CABLES1: variants seen among roughly 807,000 people sequenced by gnomAD.
The protein encoded by CABLES1 is CDK5 and ABL1 enzyme substrate 1.
A neutral mutation model predicts 57.8 loss-of-function variants in CABLES1; 36 were observed. The ratio of observed to expected loss-of-function variants is 0.62; its 90% CI spans 0.48 to 0.82. CABLES1 has a LOEUF of 0.82. Ranked by LOEUF, CABLES1 falls within the 40% of genes least tolerant of loss-of-function variation. The probability of loss-of-function intolerance (pLI) is 0.00; values close to 1 mark genes in which losing one functional copy is unlikely to be tolerated. For missense variants in CABLES1, 767 were observed against 836.6 expected, an observed-to-expected ratio of 0.92 and a Z score of 1.03; for synonymous variants, 374 against 363.0, an observed-to-expected ratio of 1.03 and a Z score of -0.35.
intron 4 of CABLES1, among the ~76,000 whole-genome samples, chr18:23,223,580 A>T (rs934784857): frequency 8.2e-6 from 1 of 122,386 alleles, no homozygotes; most frequent in Admixed American, 1.2e-4. Flanking sequence ...TCCGTCTCAG[A>T]AAAAAAAAAA....
intron 7 of CABLES1, among the ~76,000 whole-genome samples, chr18:23,240,118 A>G (rs1316418303): frequency 2.0e-5 from 3 of 152,122 alleles, no homozygotes; most frequent in African/African-American, 7.2e-5. Flanking sequence ...ACCCTGTCTC[A>G]ACAAAACAAA....
In CABLES1 at chr18:23,184,516, A is replaced by G. The variant is rs185097499; in HGVS notation, c.846-4322A>G. On this transcript the variant is annotated intron_variant, in intron 1 of 9. Coordinates refer to ENST00000256925, the MANE Select transcript of CABLES1 (RefSeq NM_001100619.3). ...CCAGTAGTTCGAGACCTGCCTGGCC[A>G]ATGTGGCGAAACCCTGTCTCTACTA... Among the ~76,000 whole-genome samples the G allele has an allele frequency of 3.1e-3, 468 of 152,284 alleles. 2 individuals are homozygous for G. Among genetic ancestry groups the G allele is most frequent in the African/African-American group, 0.011 (461 of 41,554 alleles).
intron 1 of CABLES1, among the ~76,000 whole-genome samples, chr18:23,158,176 G>A (rs971607410): frequency 2.0e-5 from 3 of 151,150 alleles, no homozygotes; most frequent in Admixed American, 6.6e-5. Context: ...GTGGTGTGCT[G>A]CTGTAGTCCC....
chr18:23,150,207 G>GTTTTTTTTTTTTTTT (rs10638130), intron 1 of CABLES1, among the ~76,000 whole-genome samples: 15 of 106,674 alleles, frequency 1.4e-4, no homozygotes, highest in East Asian at 2.7e-4. Flanking sequence ...GTTGGTGTTT[G>GTTTTTTTTTTTTTTT]TTTTTTTTTT....
intron 7 of CABLES1, among the ~76,000 whole-genome samples, chr18:23,238,413 G>T (rs1227447599): frequency 6.6e-6 from 1 of 152,226 alleles, no homozygotes; most frequent in South Asian, 2.1e-4. Flanking sequence ...AGTCATTGGA[G>T]AATTTATTCA....
Position 23,136,320 on chromosome 18 carries a change from G to T in CABLES1, c.558G>T (p.Ala186=), listed in dbSNP as rs1598791708. Reference sequence around the variant, plus strand: ...AGCAGTGGCAGCCGCCCCGGCCGGCGCCTCTCGCCGCCTGTGCCCAACTGC... The same window carrying T: ...AGCAGTGGCAGCCGCCCCGGCCGGCTCCTCTCGCCGCCTGTGCCCAACTGC... ...SGEQWQPPRP[A]PLAACAQLQL... is the part of the protein sequence containing the mutation. The change falls in exon 1 of 10, where the codon GCG becomes GCT. Residue 186 remains alanine, a synonymous_variant. Coordinates refer to ENST00000256925, the MANE Select transcript of CABLES1 (RefSeq NM_001100619.3). 13 of 1,404,642 alleles carry T rather than the reference G, an allele frequency of 9.3e-6. No homozygotes were observed. The East Asian group carries it at 3.9e-4, about 43-fold the overall frequency. The allele number at this position is 1,404,642 out of a possible 1,614,324, so 87.0% of individuals were successfully genotyped here. A position where few individuals can be genotyped will look rare whatever the true frequency, so the allele number is the denominator to read the frequency against.
chr18:23,248,139 A>AGCTGT (rs1479033217), intron 7 of CABLES1, among the ~76,000 whole-genome samples: 1 of 152,194 alleles, frequency 6.6e-6, no homozygotes, highest in African/African-American at 2.4e-5. Flanking sequence ...GGCTGAGCTG[A>AGCTGT]GCTGTTGGCT....
rs1240762849 is a variant in CABLES1 at position 23,257,786 on chromosome 18, A to AAAAGAT, written c.*421_*426dup. On this transcript the variant is annotated 3_prime_UTR_variant, in exon 10 of 10. Transcript: ENST00000256925. ...CTGCAGAAGTTGGGGGAAAACTTTT[A>AAAAGAT]AAAGATACCCTCATTGTGTCAAAGA... The AAAAGAT allele has an allele frequency of 1.2e-5, 2 of 160,644 alleles. No individual in the cohort carries two copies. Among genetic ancestry groups the AAAAGAT allele is most frequent in the African/African-American group, 4.8e-5 (2 of 41,726 alleles). 10.0% of individuals were successfully genotyped at this position (160,644 alleles called of 1,614,324 possible). A position where few individuals can be genotyped will look rare whatever the true frequency, so the allele number is the denominator to read the frequency against.
intron 1 of CABLES1, among the ~76,000 whole-genome samples, chr18:23,161,228 G>A (rs1193746516): frequency 2.6e-5 from 4 of 152,014 alleles, no homozygotes; most frequent in Non-Finnish European, 5.9e-5. Flanking sequence ...AATGAATAAA[G>A]TGAGAGAGGA....
At chr18:23,200,587 T>A (rs1464240754) in intron 3 of CABLES1, among the ~76,000 whole-genome samples, 2 of 152,182 alleles carry the variant, frequency 1.3e-5, no homozygotes, top group Non-Finnish European at 2.9e-5. Flanking sequence ...TTAATAATCA[T>A]AGACTGGCAA....
At chr18:23,213,500 A>T (rs540481012) in intron 3 of CABLES1, among the ~76,000 whole-genome samples, 99 of 152,306 alleles carry the variant, frequency 6.5e-4, no homozygotes, top group Admixed American at 5.0e-3. Context: ...AGAACCTAAC[A>T]TGTTGCCAGC....
At chr18:23,220,286 C>G (rs1040005097) in intron 4 of CABLES1, among the ~76,000 whole-genome samples, 4 of 152,094 alleles carry the variant, frequency 2.6e-5, no homozygotes, top group African/African-American at 9.7e-5. Context: ...TAGAAACATC[C>G]TGAATAGTGC....
chr18:23,198,960 G>A (rs2047304293), intron 3 of CABLES1, among the ~76,000 whole-genome samples: 1 of 152,232 alleles, frequency 6.6e-6, no homozygotes, highest in Non-Finnish European at 1.5e-5. Context: ...GTGGGAAGTA[G>A]AATTCACATC....
chr18:23,250,289 T>TA (rs2048005812), intron 7 of CABLES1, among the ~76,000 whole-genome samples: 1 of 152,158 alleles, frequency 6.6e-6, no homozygotes, highest in African/African-American at 2.4e-5. Context: ...GACTTTCCTC[T>TA]GTAGAGGAAG....
intron 7 of CABLES1, among the ~76,000 whole-genome samples, chr18:23,251,625 G>A (rs1044598587): frequency 1.3e-5 from 2 of 152,180 alleles, no homozygotes; most frequent in Non-Finnish European, 2.9e-5. Context: ...ATTCAGAAAG[G>A]ACTCCAAGGA....
chr18:23,147,266 T>A (rs2046897286), intron 1 of CABLES1, among the ~76,000 whole-genome samples: 1 of 152,038 alleles, frequency 6.6e-6, no homozygotes, highest in African/African-American at 2.4e-5. Flanking sequence ...AGCAGAAGAG[T>A]GGAAAGACCA....
intron 5 of CABLES1, among the ~76,000 whole-genome samples, chr18:23,235,287 A>G (rs1015480316): frequency 1.3e-5 from 2 of 152,184 alleles, no homozygotes; most frequent in African/African-American, 2.4e-5. Context: ...TTCTTGGGGA[A>G]TCTGTCCCGG....
intron 3 of CABLES1, among the ~76,000 whole-genome samples, chr18:23,206,380 C>G (rs537538115): frequency 1.7e-4 from 26 of 152,386 alleles, no homozygotes; most frequent in Admixed American, 1.6e-3. Flanking sequence ...ACAGTAATCG[C>G]TTGGTTGGGG....
At chr18:23,147,864 G>T (rs1395164091) in intron 1 of CABLES1, among the ~76,000 whole-genome samples, 1 of 152,140 alleles carries the variant, frequency 6.6e-6, no homozygotes, top group African/African-American at 2.4e-5. Context: ...CCCACGTGGG[G>T]CACATGCTGG....
Sources: gnomAD v4.1 joint callset for allele counts (sites outside exome capture counted in the v4.1 genomes callset) on GRCh38, gnomAD v4.1.1 for gene constraint, MANE v1.5 for transcripts, NCBI Gene and HGNC (gene_info 2026-07-23, HGNC 2026-07-21) for gene names.